ADGRV1: variants seen among roughly 807,000 people sequenced by gnomAD.
ADGRV1 encodes the protein G-protein coupled receptor 98.
A neutral mutation model predicts 596.2 loss-of-function variants in ADGRV1; 359 were observed. That is an observed-to-expected ratio of 0.60 (90% CI 0.55 to 0.66). ADGRV1 has a LOEUF of 0.66. Among genes scored for constraint, ADGRV1 ranks in the 30% least tolerant of loss-of-function variants. ADGRV1 has a pLI of 0.00. For missense variants in ADGRV1, 7,274 were observed against 7,575.6 expected (o/e 0.96, Z 1.48); for synonymous variants, 2,681 against 2,679.2 (o/e 1.00, Z -0.02).
At chr5:90,573,762 T>G (rs1756845463) in intron 1 of ADGRV1, among the ~76,000 whole-genome samples, 1 of 152,302 alleles carries the variant, frequency 6.6e-6, no homozygotes, top group East Asian at 1.9e-4. Flanking sequence ...ATAAATCACT[T>G]GATTGAGAAC....
At chr5:91,127,446 GAA>G (rs1229868717) in intron 87 of ADGRV1, among the ~76,000 whole-genome samples, 2 of 148,940 alleles carry the variant, frequency 1.3e-5, no homozygotes, top group African/African-American at 5.0e-5. Flanking sequence ...GCTGAGGCAG[GAA>G]GATCCCTTGA....
At chr5:90,797,034 C>T (rs1008790202) in intron 70 of ADGRV1, among the ~76,000 whole-genome samples, 2 of 151,732 alleles carry the variant, frequency 1.3e-5, no homozygotes, top group Non-Finnish European at 2.9e-5. Flanking sequence ...ATTATAAAGA[C>T]CATCGACACT....
At chr5:90,849,011 A>G (rs752267312) in intron 79 of ADGRV1, among the ~76,000 whole-genome samples, 190 bp downstream of exon 79, 1 of 152,342 alleles carries the variant, frequency 6.6e-6, no homozygotes, top group Middle Eastern at 3.4e-3. Context: ...AAATAAATGT[A>G]TACTGTCAAC....
intron 21 of ADGRV1, among the ~76,000 whole-genome samples, chr5:90,659,034 T>G (rs537150479): frequency 6.6e-6 from 1 of 152,248 alleles, no homozygotes; most frequent in South Asian, 2.1e-4. Context: ...GAGTAGAGTT[T>G]GAAAAAAAAT....
chr5:90,716,730 G>A lies in ADGRV1; in HGVS notation c.9447+1G>A. The A allele has an allele frequency of 6.2e-7, 1 of 1,607,666 alleles. No homozygotes were observed. Among genetic ancestry groups the A allele is most frequent in the Non-Finnish European group, 8.5e-7 (1 of 1,175,206 alleles). ...TTTAGAAGAAGGTGTTCGATTCAAG[G>A]TACAGTAAGAAGCTTTAATGAGAAT... is the stretch of plus-strand genomic sequence containing the variant. On this transcript the variant is annotated splice_donor_variant, in intron 43 of 89. Coordinates refer to ENST00000405460, the MANE Select transcript of ADGRV1 (RefSeq NM_032119.4). LOFTEE classifies it high-confidence loss of function.
At chr5:90,637,196 T>G (rs1766325794) in intron 10 of ADGRV1, among the ~76,000 whole-genome samples, 1 of 152,192 alleles carries the variant, frequency 6.6e-6, no homozygotes, top group African/African-American at 2.4e-5. Flanking sequence ...CCCAGAGTCA[T>G]GATAAAAATA....
chr5:90,968,434 G>A (rs879511362), intron 84 of ADGRV1, among the ~76,000 whole-genome samples: 1 of 152,172 alleles, frequency 6.6e-6, no homozygotes, highest in Admixed American at 6.5e-5. Flanking sequence ...TCTTCTTTGA[G>A]TTAGGTAAAT....
At chr5:91,086,770 C>T (rs1215423965) in intron 86 of ADGRV1, among the ~76,000 whole-genome samples, 5 of 152,210 alleles carry the variant, frequency 3.3e-5, no homozygotes, top group African/African-American at 1.2e-4. Context: ...AGCAATCCTT[C>T]CCTAACTGGT....
At chr5:90,716,755 T>G in intron 43 of ADGRV1, 26 bp downstream of exon 43, 2 of 1,549,288 alleles carry the variant, frequency 1.3e-6, no homozygotes. Flanking sequence ...TTAATGAGAA[T>G]GGAAGTTTAT....
intron 83 of ADGRV1, among the ~76,000 whole-genome samples, chr5:90,871,928 G>A (rs758689099): frequency 9.9e-5 from 15 of 152,152 alleles, no homozygotes; most frequent in Admixed American, 2.0e-4. Context: ...ATACATAGTG[G>A]ATCATGTTCA....
chr5:90,648,168 T>C (rs769671566), intron 17 of ADGRV1, among the ~76,000 whole-genome samples: 24 of 152,182 alleles, frequency 1.6e-4, no homozygotes, highest in Non-Finnish European at 3.4e-4. Flanking sequence ...TTGGGAAGCT[T>C]AATTCTGTAG....
chr5:90,637,623 T>C, intron 10 of ADGRV1, 102 bp from the exon 11 acceptor site: 1 of 738,568 alleles, frequency 1.4e-6, no homozygotes, highest in Non-Finnish European at 2.1e-6. Context: ...ATACATATGT[T>C]CACACAGTAA....
intron 83 of ADGRV1, among the ~76,000 whole-genome samples, chr5:90,884,669 A>G (rs1770115630): frequency 6.6e-6 from 1 of 152,108 alleles, no homozygotes; most frequent in Non-Finnish European, 1.5e-5. Context: ...CTCGAACCAA[A>G]CTACTAGTTT....
At chr5:90,660,129 C>A (rs1386327506) in intron 21 of ADGRV1, among the ~76,000 whole-genome samples, 2 of 152,024 alleles carry the variant, frequency 1.3e-5, no homozygotes, top group Admixed American at 6.5e-5. Flanking sequence ...ATTAAGGAGA[C>A]TTTTAAAAAT....
intron 85 of ADGRV1, among the ~76,000 whole-genome samples, chr5:91,052,787 T>C (rs1786467677): frequency 6.6e-6 from 1 of 152,108 alleles, no homozygotes; most frequent in African/African-American, 2.4e-5. Flanking sequence ...TATGTCACAG[T>C]CCAGTTGTAG....
At chr5:90,987,606 TCTTA>T (rs1780602746) in intron 85 of ADGRV1, among the ~76,000 whole-genome samples, 1 of 152,096 alleles carries the variant, frequency 6.6e-6, no homozygotes, top group Admixed American at 6.5e-5. Flanking sequence ...AAATTCTATA[TCTTA>T]CTTCAATTTT....
At chr5:90,719,566 C>G (rs1211075807) in intron 43 of ADGRV1, among the ~76,000 whole-genome samples, 1 of 152,010 alleles carries the variant, frequency 6.6e-6, no homozygotes, top group Non-Finnish European at 1.5e-5. Flanking sequence ...TTGCATGCAT[C>G]AGTAGTTGGA....
At chr5:90,609,143 C>T (rs1762446672) in intron 1 of ADGRV1, among the ~76,000 whole-genome samples, 1 of 152,028 alleles carries the variant, frequency 6.6e-6, no homozygotes, top group Non-Finnish European at 1.5e-5. Context: ...TATGTACACA[C>T]ATAAACAATC....
chr5:91,061,182 C>T (rs984627459), intron 85 of ADGRV1, among the ~76,000 whole-genome samples: 7 of 152,166 alleles, frequency 4.6e-5, no homozygotes, highest in African/African-American at 1.7e-4. Flanking sequence ...CAGTACCAAA[C>T]AATTTTGTTT....
Sources: allele counts gnomAD v4.1 joint callset (sites outside exome capture counted in the v4.1 genomes callset), GRCh38; gene constraint gnomAD v4.1.1; transcripts MANE v1.5; gene names NCBI Gene and HGNC (gene_info 2026-07-23, HGNC 2026-07-21).